The following ANO4 variants were observed in gnomAD, a reference collection of about 807,000 sequenced individuals.
The protein encoded by ANO4 is anoctamin-4.
ANO4 carries 69 observed loss-of-function variants against 141.9 expected under a neutral mutation model. The observed-to-expected ratio is 0.49, with a 90% CI of 0.40 to 0.59. The LOEUF is 0.59. Among genes scored for constraint, ANO4 ranks in the 20% least tolerant of loss-of-function variants. ANO4 has a pLI of 0.00. For missense variants in ANO4, 894 were observed against 1,162.2 expected, an observed-to-expected ratio of 0.77 and a Z score of 3.36; for synonymous variants, 350 against 394.3, an observed-to-expected ratio of 0.89 and a Z score of 1.33.
At chr12:100,933,518 A>G (rs2042165526) in intron 3 of ANO4, among the ~76,000 whole-genome samples, 2 of 152,296 alleles carry the variant, frequency 1.3e-5, no homozygotes, top group African/African-American at 4.8e-5. Context: ...CCAGTCTATC[A>G]TTGATGGACA....
At chr12:101,017,064 T>C (rs553207797) in intron 8 of ANO4, among the ~76,000 whole-genome samples, 32 of 152,306 alleles carry the variant, frequency 2.1e-4, no homozygotes, top group Non-Finnish European at 3.8e-4. Flanking sequence ...CTTCTCTCTT[T>C]ATAGCATCAC....
intron 13 of ANO4, among the ~76,000 whole-genome samples, chr12:101,047,286 T>A (rs1343657721): frequency 1.3e-5 from 2 of 152,004 alleles, no homozygotes; most frequent in Non-Finnish European, 2.9e-5. Flanking sequence ...CAAACTCTGA[T>A]AGATAGCACA....
At chr12:100,848,283 T>A (rs546187277) in intron 1 of ANO4, among the ~76,000 whole-genome samples, 2 of 152,188 alleles carry the variant, frequency 1.3e-5, no homozygotes, top group South Asian at 4.2e-4. Context: ...AGCAATTGCA[T>A]TGGGAGGGAG....
At chr12:101,000,048 T>TA (rs34706681) in intron 8 of ANO4, among the ~76,000 whole-genome samples, 27,152 of 122,472 alleles carry the variant, frequency 0.22, 2,942 homozygotes, top group Non-Finnish European at 0.27. Context: ...GACTCCATCT[T>TA]AAAAAAAAAA....
chr12:101,112,853 A>T (rs1328189269), intron 24 of ANO4, among the ~76,000 whole-genome samples: 1 of 152,244 alleles, frequency 6.6e-6, no homozygotes, highest in Non-Finnish European at 1.5e-5. Context: ...TGGCCATGAC[A>T]CACTAATTAT....
chr12:100,756,349 A>T (rs141984741), intron 3 of ANO4, among the ~76,000 whole-genome samples: 2 of 152,050 alleles, frequency 1.3e-5, no homozygotes, highest in African/African-American at 4.8e-5. Context: ...TGTATAGAAC[A>T]TTATTTATTT....
chr12:101,013,987 C>T (rs1321368129), intron 8 of ANO4, among the ~76,000 whole-genome samples: 2 of 152,066 alleles, frequency 1.3e-5, no homozygotes, highest in African/African-American at 4.8e-5. Flanking sequence ...AGCACCTTTC[C>T]CCAGCTCACA....
At chr12:100,873,520 C>G (rs1314526301) in intron 1 of ANO4, among the ~76,000 whole-genome samples, 1 of 152,150 alleles carries the variant, frequency 6.6e-6, no homozygotes, top group African/African-American at 2.4e-5. Context: ...CCCTAGAGAT[C>G]TGTGGAACTT....
At chr12:100,808,309 A>G (rs1244290906) in intron 1 of ANO4, among the ~76,000 whole-genome samples, 5 of 152,186 alleles carry the variant, frequency 3.3e-5, no homozygotes, top group Admixed American at 1.3e-4. Context: ...CTAATGATCA[A>G]TGATGTCAAG....
At chr12:100,950,169 G>A (rs904929005) in intron 5 of ANO4, among the ~76,000 whole-genome samples, 7 of 152,104 alleles carry the variant, frequency 4.6e-5, no homozygotes, top group Admixed American at 4.6e-4. Context: ...AAATAAATGA[G>A]TGTCAGGACT....
intron 14 of ANO4, among the ~76,000 whole-genome samples, chr12:101,065,598 A>G (rs2048547559): frequency 1.3e-5 from 2 of 152,184 alleles, no homozygotes; most frequent in African/African-American, 4.8e-5. Flanking sequence ...ATAATGAGTA[A>G]CAAGATAGAA....
intron 1 of ANO4, among the ~76,000 whole-genome samples, chr12:100,861,191 A>C (rs2038453996): frequency 6.6e-6 from 1 of 152,230 alleles, no homozygotes; most frequent in Non-Finnish European, 1.5e-5. Flanking sequence ...AGCTAGCTAC[A>C]GAGCACTGAT....
intron 1 of ANO4, among the ~76,000 whole-genome samples, chr12:100,896,184 T>G (rs899903714): frequency 6.6e-6 from 1 of 152,178 alleles, no homozygotes; most frequent in Non-Finnish European, 1.5e-5. Flanking sequence ...AGTGTTACCT[T>G]GTTTGAAAAG....
intron 1 of ANO4, among the ~76,000 whole-genome samples, chr12:100,816,728 A>G (rs1311407903): frequency 6.6e-6 from 1 of 151,996 alleles, no homozygotes; most frequent in Admixed American, 6.6e-5. Flanking sequence ...AGCACATTGT[A>G]CTGTGATTGT....
chr12:101,033,545 A>T (rs1555282667), intron 9 of ANO4, among the ~76,000 whole-genome samples: 1 of 152,188 alleles, frequency 6.6e-6, no homozygotes, highest in Non-Finnish European at 1.5e-5. Context: ...ACCCTAGAAG[A>T]AAACCTAGGC....
At chr12:100,885,892 T>A (rs1159263525) in intron 1 of ANO4, among the ~76,000 whole-genome samples, 1 of 152,184 alleles carries the variant, frequency 6.6e-6, no homozygotes, top group Non-Finnish European at 1.5e-5. Context: ...TTTCTGGCAG[T>A]ACTAGGTGAA....
chr12:101,032,073 A>G (rs369980898), intron 9 of ANO4, among the ~76,000 whole-genome samples: 2 of 152,352 alleles, frequency 1.3e-5, no homozygotes, highest in African/African-American at 4.8e-5. Flanking sequence ...ACAGAATTAG[A>G]AAAAGCTACT....
chr12:100,883,016 C>G (rs1435994232), intron 1 of ANO4, among the ~76,000 whole-genome samples: 1 of 152,106 alleles, frequency 6.6e-6, no homozygotes. Context: ...TCTGTTTATG[C>G]TCTTTGTTGA....
At chr12:100,781,743 C>A (rs1253200958) in intron 3 of ANO4, among the ~76,000 whole-genome samples, 2 of 152,100 alleles carry the variant, frequency 1.3e-5, no homozygotes, top group Non-Finnish European at 2.9e-5. Flanking sequence ...TTATCCCCTG[C>A]CATGGATGCA....
Sources: allele counts gnomAD v4.1 joint callset (sites outside exome capture counted in the v4.1 genomes callset), GRCh38; gene constraint gnomAD v4.1.1; transcripts MANE v1.5; gene names NCBI Gene and HGNC (gene_info 2026-07-23, HGNC 2026-07-21).